SECISBP2: variants seen among roughly 807,000 people sequenced by gnomAD.
SECISBP2 encodes the protein selenocysteine insertion sequence-binding protein 2.
SECISBP2 carries 96 observed loss-of-function variants against 98.2 expected under a neutral mutation model. That is an observed-to-expected ratio of 0.98 (90% CI 0.83 to 1.16). SECISBP2 has a LOEUF of 1.16. Among genes scored for constraint, SECISBP2 ranks in the 50% most tolerant of loss-of-function variants. The probability of loss-of-function intolerance (pLI) is 0.00; values close to 1 mark genes in which losing one functional copy is unlikely to be tolerated. For synonymous variants in SECISBP2, 407 were observed against 370.2 expected (o/e 1.10, Z -1.14); for missense variants, 1,046 against 1,022.9 (o/e 1.02, Z -0.31).
At chr9:89,349,639 C>T (rs1167068352) in intron 12 of SECISBP2, 137 bp from the exon 13 acceptor site, 3 of 944,234 alleles carry the variant, frequency 3.2e-6, no homozygotes. Context: ...CTTCTGTAAA[C>T]CTCTCTGCAT....
At chr9:89,318,950 T>C in intron 1 of SECISBP2, 1 of 1,153,150 alleles carries the variant, frequency 8.7e-7, no homozygotes, top group Non-Finnish European at 1.1e-6. Flanking sequence ...TAGATTGTTT[T>C]AAAGGATCCT....
At chr9:89,327,008 A>C (rs1826826521) in intron 4 of SECISBP2, among the ~76,000 whole-genome samples, 1 of 152,080 alleles carries the variant, frequency 6.6e-6, no homozygotes, top group Non-Finnish European at 1.5e-5. Flanking sequence ...TGAAAATACA[A>C]AATATTAGCC....
At chr9:89,364,023 G>A, downstream of SECISBP2, 1 of 1,612,602 alleles carries the variant, frequency 6.2e-7, no homozygotes, top group Middle Eastern at 1.6e-4. Flanking sequence ...GAGGGTGCAG[G>A]GGGGTTACCT....
chr9:89,318,779 G>C (rs544042896), intron 1 of SECISBP2, 167 bp downstream of exon 1: 429 of 1,258,304 alleles, frequency 3.4e-4, no homozygotes, highest in Admixed American at 6.3e-4. Flanking sequence ...CCCGCCTCGG[G>C]TCCGCCTTGG....
Position 89,358,181 on chromosome 9 carries a change from GCCA to G in SECISBP2, c.2453_2455del (p.Pro818del). 6.2e-7 allele frequency: 1 copy of G among 1,611,222 alleles called. No homozygotes were observed. Among genetic ancestry groups the G allele is most frequent in the South Asian group, 1.1e-5 (1 of 90,764 alleles). On this transcript the variant is annotated inframe_deletion, in exon 16 of 17. Transcript: ENST00000375807. Reference sequence around the variant, plus strand: ...CCCCAGCCCTGAAAGAAAAAGAAGAGCCACACTACAGTGAGTGCTTAAGGGAGA... The same window carrying G: ...CCCCAGCCCTGAAAGAAAAAGAAGAGCACTACAGTGAGTGCTTAAGGGAGA...
At chr9:89,362,130 G>T (rs910402250), downstream of SECISBP2, 1 of 581,198 alleles carries the variant, frequency 1.7e-6, no homozygotes, top group African/African-American at 1.9e-5. Context: ...AGCCATCCTG[G>T]TTACCTGCTT....
chr9:89,363,769 C>G, downstream of SECISBP2: 1 of 1,613,530 alleles, frequency 6.2e-7, no homozygotes. Context: ...CCTGCACCTT[C>G]GAAGTCTTGT....
chr9:89,346,773 G>T, intron 10 of SECISBP2, 109 bp from the exon 11 acceptor site: 1 of 1,275,820 alleles, frequency 7.8e-7, no homozygotes, highest in Non-Finnish European at 1.1e-6. Context: ...GGGGTGACTT[G>T]GCAAACTCCT....
intron 1 of SECISBP2, among the ~76,000 whole-genome samples, chr9:89,319,295 C>G (rs530785302): frequency 1.6e-4 from 25 of 152,092 alleles, no homozygotes; most frequent in African/African-American, 6.0e-4. Context: ...GTTAAACAGT[C>G]CACGTGTATT....
rs776253750 is a variant in SECISBP2 at position 89,342,517 on chromosome 9, A to C, written c.1435+1038A>C. On this transcript the variant is annotated intron_variant, in intron 10 of 16. Coordinates refer to ENST00000375807, the MANE Select transcript of SECISBP2 (RefSeq NM_024077.5). ...TTCACAATAACCAAACGGTAGAAAC[A>C]GCGCAAATGTTCATTACCACATAAT... Among the ~76,000 whole-genome samples, 5 of 152,388 alleles carry C rather than the reference A, an allele frequency of 3.3e-5. 1 individual carries two copies. The East Asian group carries it at 5.8e-4, about 18-fold the overall frequency.
chr9:89,333,949 G>T, intron 6 of SECISBP2: 2 of 886,142 alleles, frequency 2.3e-6, no homozygotes, highest in Non-Finnish European at 2.7e-6. Flanking sequence ...TTTTACCCTT[G>T]GGGGTAGCCA....
intron 4 of SECISBP2, among the ~76,000 whole-genome samples, chr9:89,327,220 G>A (rs1463176268): frequency 6.6e-6 from 1 of 152,138 alleles, no homozygotes; most frequent in Non-Finnish European, 1.5e-5. Context: ...TACCATGAAT[G>A]GAGCTGGCAG....
At chr9:89,335,317 G>A (rs752367129) in intron 7 of SECISBP2, among the ~76,000 whole-genome samples, 19 of 151,834 alleles carry the variant, frequency 1.3e-4, no homozygotes, top group African/African-American at 1.9e-4. Flanking sequence ...TTTTGATTAC[G>A]TTGATTTTCT....
rs2132089459 is a variant in SECISBP2, at chr9:89,357,540, G to A, written c.2243G>A (p.Gly748Glu). ...AAGGCAGTTCCTGTCAGTGTGGTGG[G>A]GATCTTCAGCTATGATGGGGCCCAG... Reference protein sequence around the residue: ...LNKAVPVSVVGIFSYDGAQDQ... With the variant: ...LNKAVPVSVVEIFSYDGAQDQ... Residue 748 changes from glycine to glutamate, a missense_variant, in exon 15 of 17, where the codon GGG becomes GAG. Coordinates refer to ENST00000375807, the MANE Select transcript of SECISBP2 (RefSeq NM_024077.5). The A allele has an allele frequency of 6.2e-7, 1 of 1,613,974 alleles. No homozygotes were observed. The highest frequency in any genetic ancestry group is 2.2e-5 in the East Asian group (1 of 44,882).
At chr9:89,360,574 T>C (rs1001491572), downstream of SECISBP2, among the ~76,000 whole-genome samples, 11 of 152,238 alleles carry the variant, frequency 7.2e-5, no homozygotes, top group African/African-American at 2.2e-4. Context: ...GGTAGGCTTT[T>C]CAACATGTCA....
intron 14 of SECISBP2, among the ~76,000 whole-genome samples, chr9:89,351,672 T>G (rs1029526751): frequency 1.3e-5 from 2 of 152,204 alleles, no homozygotes; most frequent in Non-Finnish European, 2.9e-5. Context: ...CAGTTACCAT[T>G]TCATATCTAA....
intron 8 of SECISBP2, among the ~76,000 whole-genome samples, chr9:89,338,994 A>G (rs1282694899): frequency 6.6e-6 from 1 of 152,022 alleles, no homozygotes; most frequent in Non-Finnish European, 1.5e-5. Context: ...GTAGAATAGT[A>G]TAGAACCATT....
rs1439626008 is a variant in SECISBP2, at chr9:89,332,945, T to C, written c.839T>C (p.Val280Ala). 6.2e-7 allele frequency: 1 copy of C among 1,613,872 alleles called. No individual in the cohort carries two copies. Among genetic ancestry groups the C allele is most frequent in the Non-Finnish European group, 8.5e-7 (1 of 1,179,934 alleles). The change falls in exon 6 of 17, where the codon GTA becomes GCA. Residue 280 changes from valine (V) to alanine (A), a missense_variant. By Grantham distance (64) the Val-to-Ala change is moderately conservative. Transcript: ENST00000375807. ...GTGAAAAATAACCCAAATGAATCTG[T>C]AACTGCTAATGCCGCTACCAATTCT... ...IVVKNNPNES[V>A]TANAATNSPS...
chr9:89,344,961 C>T (rs1298764798), intron 10 of SECISBP2, among the ~76,000 whole-genome samples: 3 of 152,122 alleles, frequency 2.0e-5, no homozygotes, highest in Non-Finnish European at 2.9e-5. Context: ...TTCTTTATTC[C>T]TCTGGATTCA....
Sources: allele counts gnomAD v4.1 joint callset (sites outside exome capture counted in the v4.1 genomes callset), GRCh38; gene constraint gnomAD v4.1.1; transcripts MANE v1.5; gene names NCBI Gene and HGNC (gene_info 2026-07-23, HGNC 2026-07-21).